Variants in PPME1 observed in about 807,000 individuals in gnomAD.
PPME1 encodes testicular secretory protein Li 39.
PPME1 carries 17 observed loss-of-function variants against 56.9 expected under a neutral mutation model. The observed-to-expected ratio is 0.30, with a 90% CI of 0.20 to 0.45. PPME1 has a LOEUF of 0.45. Among genes scored for constraint, PPME1 ranks in the 20% least tolerant of loss-of-function variants. PPME1 has a pLI of 1.00. For synonymous variants in PPME1, 122 were observed against 156.2 expected, an observed-to-expected ratio of 0.78 and a Z score of 1.63; for missense variants, 357 against 483.2, an observed-to-expected ratio of 0.74 and a Z score of 2.45.
At chr11:74,181,826 C>T (rs2135594423) in intron 1 of PPME1, among the ~76,000 whole-genome samples, 1 of 152,332 alleles carries the variant, frequency 6.6e-6, no homozygotes, top group Non-Finnish European at 1.5e-5. Context: ...ATGTTAGTCT[C>T]TGTTGCAGCT....
Position 74,203,743 on chromosome 11 carries a change from G to T in PPME1, c.117G>T (p.Arg39=). 6.2e-7 allele frequency: 1 copy of T among 1,610,836 alleles called. No individual in the cohort carries two copies. The highest frequency in any genetic ancestry group is 8.5e-7 in the Non-Finnish European group (1 of 1,178,514). ...AKMRMGPGRK[R]DFSPVPWSQY... Reference sequence around the variant, plus strand: ...TTTTCCTCAGCCCTGGAAGAAAGCGGGACTTTTCCCCTGTTCCTTGGAGTC... The same window carrying T: ...TTTTCCTCAGCCCTGGAAGAAAGCGTGACTTTTCCCCTGTTCCTTGGAGTC... Residue 39 remains arginine (R), a synonymous_variant, in exon 2 of 14, where the codon CGG becomes CGT. Transcript: ENST00000328257.
intron 1 of PPME1, among the ~76,000 whole-genome samples, chr11:74,174,254 G>T (rs1284292842): frequency 6.6e-6 from 1 of 152,204 alleles, no homozygotes; most frequent in Admixed American, 6.5e-5. Flanking sequence ...CTTAGCGGTA[G>T]GGCCGTTAAG....
chr11:74,180,618 G>A (rs1436679618), intron 1 of PPME1, among the ~76,000 whole-genome samples: 1 of 152,074 alleles, frequency 6.6e-6, no homozygotes, highest in Non-Finnish European at 1.5e-5. Context: ...TCTTGTAATA[G>A]GTCTTGTAAT....
intron 3 of PPME1, among the ~76,000 whole-genome samples, chr11:74,210,874 GT>G (rs1177758980): frequency 5.3e-5 from 8 of 152,136 alleles, no homozygotes; most frequent in Non-Finnish European, 1.2e-4. Context: ...AATTTTCAGT[GT>G]TATACTGGAG....
At chr11:74,188,476 C>T (rs1005298996) in intron 1 of PPME1, among the ~76,000 whole-genome samples, 1 of 152,060 alleles carries the variant, frequency 6.6e-6, no homozygotes, top group Non-Finnish European at 1.5e-5. Flanking sequence ...TGAGCCACTG[C>T]GCCCAGCCCA....
intron 7 of PPME1, among the ~76,000 whole-genome samples, chr11:74,234,369 C>G (rs1017401507): frequency 6.6e-6 from 1 of 152,128 alleles, no homozygotes; most frequent in African/African-American, 2.4e-5. Flanking sequence ...ATGTAAAGAC[C>G]TAGGAACTTG....
chr11:74,253,389 G>A, intron 13 of PPME1, 103 bp from the exon 14 acceptor site: 1 of 1,201,144 alleles, frequency 8.3e-7, no homozygotes, highest in Non-Finnish European at 1.2e-6. Flanking sequence ...ATTTGCCAGG[G>A]CCTTGGTGGT....
chr11:74,244,886 A>T (rs867912251), intron 9 of PPME1, among the ~76,000 whole-genome samples: 8 of 152,164 alleles, frequency 5.3e-5, no homozygotes, highest in African/African-American at 1.9e-4. Flanking sequence ...TGGATATGGG[A>T]TAAGGCCCCA....
chr11:74,219,434 T>G (rs974948448), intron 3 of PPME1, among the ~76,000 whole-genome samples: 4 of 151,990 alleles, frequency 2.6e-5, no homozygotes, highest in Admixed American at 2.6e-4. Context: ...ATCGAAGAGA[T>G]ATTACACTCC....
intron 1 of PPME1, among the ~76,000 whole-genome samples, chr11:74,184,516 T>C (rs1036702131): frequency 2.0e-5 from 3 of 152,220 alleles, no homozygotes; most frequent in African/African-American, 7.2e-5. Context: ...TTGTGGGTAA[T>C]TAGAGGATTT....
intron 3 of PPME1, among the ~76,000 whole-genome samples, chr11:74,213,382 T>A (rs543638227): frequency 6.6e-6 from 1 of 152,168 alleles, no homozygotes; most frequent in Non-Finnish European, 1.5e-5. Context: ...ATGGCATCTC[T>A]GGACTCACCT....
intron 11 of PPME1, chr11:74,250,381 G>T (rs1195502729): frequency 6.5e-6 from 1 of 153,288 alleles, no homozygotes; most frequent in Non-Finnish European, 1.5e-5. Flanking sequence ...TAAGTGCTCA[G>T]ATGGTAACTT....
chr11:74,214,853 C>T (rs1445500279), intron 3 of PPME1, among the ~76,000 whole-genome samples: 1 of 152,106 alleles, frequency 6.6e-6, no homozygotes, highest in Non-Finnish European at 1.5e-5. Flanking sequence ...AAGAAAAGGA[C>T]ATTAATGAAC....
At chr11:74,248,093 T>C (rs1859553914) in intron 11 of PPME1, 1 of 152,434 alleles carries the variant, frequency 6.6e-6, no homozygotes, top group African/African-American at 2.4e-5. Context: ...TACAGATGCA[T>C]GTATGTTAGC....
At chr11:74,190,795 A>T (rs571428382) in intron 1 of PPME1, among the ~76,000 whole-genome samples, 16 of 152,230 alleles carry the variant, frequency 1.1e-4, no homozygotes, top group Non-Finnish European at 2.1e-4. Context: ...CAAAATGCTG[A>T]TAGAAATATG....
At position 74,246,179 on chromosome 11, in the gene PPME1, C is replaced by T; in HGVS notation, c.938C>T (p.Pro313Leu). Residue 313 changes from proline to leucine, a missense_variant, in exon 10 of 14, where the codon CCC becomes CTC. Transcript: ENST00000328257. ...TTATCCAATCTCTTTCTTAGTTGTC[C>T]CATTCCTAAATTGCTGCTCTTGGCT... ...RGLSNLFLSC[P>L]IPKLLLLAGV... 6.4e-7 allele frequency: 1 copy of T among 1,552,196 alleles called. No homozygotes were observed. The highest frequency in any genetic ancestry group is 8.7e-7 in the Non-Finnish European group (1 of 1,147,074).
intron 9 of PPME1, among the ~76,000 whole-genome samples, chr11:74,240,801 G>A (rs1859337346): frequency 6.6e-6 from 1 of 152,166 alleles, no homozygotes. Context: ...AGGTAATCAA[G>A]AACGCATTTA....
chr11:74,201,865 A>G (rs1858178458), intron 1 of PPME1, among the ~76,000 whole-genome samples: 1 of 152,164 alleles, frequency 6.6e-6, no homozygotes, highest in African/African-American at 2.4e-5. Flanking sequence ...AAATTAGTGT[A>G]GGATAGGTAG....
At chr11:74,192,400 G>C (rs976616759) in intron 1 of PPME1, among the ~76,000 whole-genome samples, 1 of 152,064 alleles carries the variant, frequency 6.6e-6, no homozygotes, top group African/African-American at 2.4e-5. Flanking sequence ...CCACCTTATA[G>C]GTGGAAGGAG....
Sources: gnomAD v4.1 joint callset for allele counts (sites outside exome capture counted in the v4.1 genomes callset) on GRCh38, gnomAD v4.1.1 for gene constraint, MANE v1.5 for transcripts, NCBI Gene and HGNC (gene_info 2026-07-23, HGNC 2026-07-21) for gene names.